The following DMD variants were observed in gnomAD, a reference collection of about 807,000 sequenced individuals.
The protein encoded by DMD is mutant dystrophin.
A neutral mutation model predicts 330.1 loss-of-function variants in DMD; 63 were observed. The ratio of observed to expected loss-of-function variants is 0.19; its 90% CI spans 0.16 to 0.24. DMD has a LOEUF of 0.24. DMD is among the 10% of genes least tolerant of loss of function. The pLI, the probability that DMD is intolerant of heterozygous loss-of-function variation, is 1.00. For missense variants in DMD, 3,344 were observed against 2,684.1 expected, an observed-to-expected ratio of 1.25 and a Z score of -5.43; for synonymous variants, 1,223 against 959.8, an observed-to-expected ratio of 1.27 and a Z score of -5.07.
At chrX:32,229,147 G>C (rs1411510947) in intron 43 of DMD, among the ~76,000 whole-genome samples, 3 of 110,519 alleles carry the variant, frequency 2.7e-5, no homozygotes, top group Non-Finnish European at 5.7e-5. Context: ...TTGTGAAAGA[G>C]AAAAAATCCT....
chrX:32,001,191 T>C (rs1393687505), intron 44 of DMD, among the ~76,000 whole-genome samples: 1 of 111,255 alleles, frequency 9.0e-6, no homozygotes. Context: ...ACGGACGTGG[T>C]TGTAGGACTG....
chrX:31,169,291 A>AAG (rs1019371162), intron 74 of DMD, 152 bp downstream of exon 74: 5 of 448,488 alleles, frequency 1.1e-5, no homozygotes, highest in African/African-American at 7.4e-5. Flanking sequence ...AAAAAAAAAA[A>AAG]AGAGAGAGAG....
chrX:31,354,628 T>A (rs2058581918), intron 60 of DMD, among the ~76,000 whole-genome samples: 2 of 112,133 alleles, frequency 1.8e-5, no homozygotes, highest in Non-Finnish European at 1.9e-5. Context: ...CTTGGTCTTC[T>A]CATTTCAGAT....
At chrX:31,237,219 G>A (rs190926240) in intron 63 of DMD, among the ~76,000 whole-genome samples, 1 of 112,432 alleles carries the variant, frequency 8.9e-6, no homozygotes, top group Admixed American at 9.4e-5. Flanking sequence ...CTGTTTGAGA[G>A]GTGCAAGAAG....
At chrX:31,794,217 A>G (rs927503691) in intron 50 of DMD, among the ~76,000 whole-genome samples, 6 of 111,420 alleles carry the variant, frequency 5.4e-5, no homozygotes, top group African/African-American at 2.0e-4. Flanking sequence ...TTATTGCTCT[A>G]TTCATATCCT....
chrX:32,820,602 G>A (rs946525692), intron 5 of DMD, among the ~76,000 whole-genome samples: 1 of 111,789 alleles, frequency 8.9e-6, no homozygotes, highest in Non-Finnish European at 1.9e-5. Context: ...ATAAGAAGTA[G>A]TATAAACAAT....
chrX:31,675,333 G>A (rs2082016382), intron 53 of DMD, among the ~76,000 whole-genome samples: 1 of 111,589 alleles, frequency 9.0e-6, no homozygotes, highest in East Asian at 2.8e-4. Flanking sequence ...TCTGTTCTGT[G>A]AATAGGTTGT....
intron 48 of DMD, among the ~76,000 whole-genome samples, chrX:31,851,025 A>G (rs2093515115): frequency 8.9e-6 from 1 of 112,649 alleles, no homozygotes; most frequent in South Asian, 3.6e-4. Flanking sequence ...TCTGCAGTCC[A>G]GATTGTCAGT....
chrX:33,156,114 T>G (rs187240569), intron 1 of DMD, among the ~76,000 whole-genome samples: 1 of 111,556 alleles, frequency 9.0e-6, no homozygotes, highest in Non-Finnish European at 1.9e-5. Flanking sequence ...AATAGAAGTT[T>G]TTGACAACAT....
intron 44 of DMD, among the ~76,000 whole-genome samples, chrX:32,201,692 A>G (rs2097039637): frequency 9.0e-6 from 1 of 111,294 alleles, no homozygotes; most frequent in South Asian, 3.8e-4. Flanking sequence ...AATCCACTAT[A>G]GTTCTTCTTT....
At chrX:32,336,977 A>C (rs1379586538) in intron 41 of DMD, among the ~76,000 whole-genome samples, 1 of 111,280 alleles carries the variant, frequency 9.0e-6, no homozygotes, top group Non-Finnish European at 1.9e-5. Context: ...AGTAATGGGC[A>C]GGAGGGGCCT....
chrX:33,009,997 CGTATGT>C (rs1569549179), intron 2 of DMD, among the ~76,000 whole-genome samples: 19 of 25,352 alleles, frequency 7.5e-4, no homozygotes, highest in African/African-American at 3.4e-3. Flanking sequence ...TGTATATACA[CGTATGT>C]ATGTGTATAT....
chrX:32,628,320 A>G (rs1452205162), intron 11 of DMD, among the ~76,000 whole-genome samples: 1 of 76,388 alleles, frequency 1.3e-5, no homozygotes, highest in African/African-American at 5.7e-5. Flanking sequence ...AAGTGAGAAC[A>G]TGCAAAGTTT....
rs6653862 is a variant in DMD, at chrX:32,175,143, G to T, written c.6438+41773C>A. Among the ~76,000 whole-genome samples the T allele has an allele frequency of 2.7e-5, 3 of 111,058 alleles. No homozygotes were observed. In the East Asian group the frequency reaches 8.5e-4, roughly 31 times the overall value. On this transcript the variant is annotated intron_variant, in intron 44 of 78. Coordinates refer to ENST00000357033, the MANE Select transcript of DMD (RefSeq NM_004006.3). Reference sequence around the variant, plus strand: ...TGTAAGTTTTGATTCATATATGCTCGTGAAACTATATTCTTAATGCTATTG... The same window carrying T: ...TGTAAGTTTTGATTCATATATGCTCTTGAAACTATATTCTTAATGCTATTG...
At chrX:31,473,497 G>A (rs1439839277) in intron 59 of DMD, among the ~76,000 whole-genome samples, 11 of 109,979 alleles carry the variant, frequency 1.0e-4, no homozygotes, top group Admixed American at 2.9e-4. Flanking sequence ...CAAGGTGGGC[G>A]GATCACGAGA....
intron 51 of DMD, among the ~76,000 whole-genome samples, chrX:31,771,992 C>A: frequency 8.9e-6 from 1 of 111,769 alleles, no homozygotes; most frequent in South Asian, 3.7e-4. Flanking sequence ...AATCTATTAT[C>A]TGGTAACTTC....
intron 60 of DMD, among the ~76,000 whole-genome samples, chrX:31,421,906 C>CATATATATATGTAT (rs1429367229): frequency 3.2e-5 from 2 of 63,028 alleles, no homozygotes; most frequent in African/African-American, 2.5e-4. Context: ...TATATACACA[C>CATATATATATGTAT]ACACACACAT....
intron 49 of DMD, among the ~76,000 whole-genome samples, chrX:31,830,905 T>G (rs1304855263): frequency 2.7e-5 from 3 of 112,021 alleles, no homozygotes; most frequent in Admixed American, 9.4e-5. Flanking sequence ...TTGCTGCTCC[T>G]TTACCAACGA....
chrX:33,204,835 T>C lies in DMD; in HGVS notation c.31+6447A>G, dbSNP rs1242748613. Among the ~76,000 whole-genome samples, 3 of 112,768 alleles carry C rather than the reference T, an allele frequency of 2.7e-5. No individual in the cohort carries two copies. The Admixed American group carries it at 2.8e-4, about 11-fold the overall frequency. On this transcript the variant is annotated intron_variant, in intron 1 of 78. Transcript: ENST00000357033. Reference sequence around the variant, plus strand: ...AATACAAGTTTTAGAGAGTCACTTATTTTGATACTTTTATTTTTGGATTTA... The same window carrying C: ...AATACAAGTTTTAGAGAGTCACTTACTTTGATACTTTTATTTTTGGATTTA...
Sources: gnomAD v4.1 joint callset for allele counts (sites outside exome capture counted in the v4.1 genomes callset) on GRCh38, gnomAD v4.1.1 for gene constraint, MANE v1.5 for transcripts, NCBI Gene and HGNC (gene_info 2026-07-23, HGNC 2026-07-21) for gene names.